Variants in RIN2 observed in about 807,000 individuals in gnomAD.
The protein encoded by RIN2 is Ras and Rab interactor 2.
Under a neutral mutation model 78.0 loss-of-function variants are expected in RIN2, and 36 were observed. That is an observed-to-expected ratio of 0.46 (90% CI 0.35 to 0.61). The LOEUF (loss-of-function observed/expected upper bound fraction) is 0.61. Ranked by LOEUF, RIN2 falls within the 20% of genes least tolerant of loss-of-function variation. The pLI is 0.00. For synonymous variants in RIN2, 466 were observed against 466.8 expected, an observed-to-expected ratio of 1.00 and a Z score of 0.02; for missense variants, 1,087 against 1,159.7, an observed-to-expected ratio of 0.94 and a Z score of 0.91.
chr20:19,907,410 C>T (rs1349395678), intron 3 of RIN2, among the ~76,000 whole-genome samples: 3 of 152,156 alleles, frequency 2.0e-5, no homozygotes, highest in Non-Finnish European at 4.4e-5. Context: ...CTGGGGGTTG[C>T]CCTGGCCTGT....
chr20:19,891,568 C>T lies in RIN2; in HGVS notation c.57+1910C>T, dbSNP rs146863048. Among the ~76,000 whole-genome samples, 692 of 152,278 alleles carry T rather than the reference C, an allele frequency of 4.5e-3. 11 individuals carry two copies. The highest frequency in any genetic ancestry group is 0.016 in the African/African-American group (660 of 41,538). ...CCATGGTGCTTCATGCCTGTAATTC[C>T]AGCACTTTGGGAGGCCTAGGTGGGC... On this transcript the variant is annotated intron_variant, in intron 3 of 12. Coordinates refer to ENST00000255006, the MANE Select transcript of RIN2 (RefSeq NM_018993.4).
intron 2 of RIN2, among the ~76,000 whole-genome samples, chr20:19,817,790 A>G (rs1377755719): frequency 6.6e-6 from 1 of 152,264 alleles, no homozygotes; most frequent in Non-Finnish European, 1.5e-5. Context: ...GGGCAAAGCC[A>G]AGATTCAAAA....
intron 2 of RIN2, among the ~76,000 whole-genome samples, chr20:19,844,404 A>G (rs978037739): frequency 6.6e-6 from 1 of 152,232 alleles, no homozygotes; most frequent in African/African-American, 2.4e-5. Context: ...TGCCAATAGC[A>G]TGCAACCATA....
chr20:19,824,282 A>G (rs577783217), intron 2 of RIN2, among the ~76,000 whole-genome samples: 2 of 152,168 alleles, frequency 1.3e-5, no homozygotes, highest in African/African-American at 4.8e-5. Flanking sequence ...TGAACATGAG[A>G]TAATTTTAGA....
At chr20:19,994,967 G>A (rs1326208626) in intron 11 of RIN2, among the ~76,000 whole-genome samples, 3 of 151,928 alleles carry the variant, frequency 2.0e-5, no homozygotes, top group Non-Finnish European at 2.9e-5. Context: ...ATTATGCCGC[G>A]GGAAAAAATA....
At chr20:19,845,442 G>C (rs1235201775) in intron 2 of RIN2, among the ~76,000 whole-genome samples, 2 of 152,004 alleles carry the variant, frequency 1.3e-5, no homozygotes, top group Non-Finnish European at 2.9e-5. Context: ...GGTGTGAGAT[G>C]GTATCTCATT....
At chr20:19,941,121 G>A (rs1306454849) in intron 4 of RIN2, among the ~76,000 whole-genome samples, 1 of 152,198 alleles carries the variant, frequency 6.6e-6, no homozygotes, top group Non-Finnish European at 1.5e-5. Context: ...ACATGACACA[G>A]GAAATTCAAA....
At position 19,943,277 on chromosome 20, in the gene RIN2, C is replaced by T. The variant is rs377300019; in HGVS notation, c.158+8078C>T. Among the ~76,000 whole-genome samples, 5 of 152,296 alleles carry T rather than the reference C, an allele frequency of 3.3e-5. No homozygotes were observed. In the South Asian group the frequency reaches 8.3e-4, roughly 25 times the overall value. ...GCTGGAGAGTCAACCAGAGGAAGTT[C>T]CTGGGCAAAACAGCTACCACTTTTT... On this transcript the variant is annotated intron_variant, in intron 4 of 12. Coordinates refer to ENST00000255006, the MANE Select transcript of RIN2 (RefSeq NM_018993.4).
rs764666564 is a variant in RIN2, at chr20:19,889,592, G to T, written c.-10G>T. 1.9e-6 allele frequency: 3 copies of T among 1,551,150 alleles called. No homozygotes were observed. The highest frequency in any genetic ancestry group is 2.4e-5 in the East Asian group (1 of 40,948). The stretch of plus-strand genomic sequence containing the variant: ...AGTCCCCGGCGTGCAGTGGAGCCTC[G>T]CTGGGGGAAATGACAGCTTGGACCA... On this transcript the variant is annotated 5_prime_UTR_variant, in exon 3 of 13. Transcript: ENST00000255006.
At chr20:19,776,114 AC>A (rs1213293218) in intron 1 of RIN2, among the ~76,000 whole-genome samples, 1 of 152,116 alleles carries the variant, frequency 6.6e-6, no homozygotes, top group African/African-American at 2.4e-5. Context: ...TAACTGATGG[AC>A]CCCTCCCCTT....
chr20:19,961,484 T>A (rs770014605), intron 6 of RIN2, among the ~76,000 whole-genome samples: 1 of 152,068 alleles, frequency 6.6e-6, no homozygotes, highest in Non-Finnish European at 1.5e-5. Context: ...GATCGGAAGA[T>A]GGATCTGCAC....
At chr20:19,915,390 A>T (rs2039643228) in intron 3 of RIN2, among the ~76,000 whole-genome samples, 1 of 152,174 alleles carries the variant, frequency 6.6e-6, no homozygotes, top group Non-Finnish European at 1.5e-5. Flanking sequence ...TTAACTCCCC[A>T]GCACTGTGGT....
At chr20:19,966,530 GC>G (rs2041945433) in intron 7 of RIN2, among the ~76,000 whole-genome samples, 2 of 152,078 alleles carry the variant, frequency 1.3e-5, no homozygotes, top group East Asian at 3.9e-4. Flanking sequence ...TACCACGTTG[GC>G]CAGGCTGGTC....
In RIN2 at chr20:19,984,492, C is replaced by T. The variant is rs796247707; in HGVS notation, c.1763-5514C>T. On this transcript the variant is annotated intron_variant, in intron 9 of 12. Coordinates refer to ENST00000255006, the MANE Select transcript of RIN2 (RefSeq NM_018993.4). ...GGTAACAGAATCTCATGGGGCCAGG[C>T]GTGGTGGCTCATACCTGTAATCCCA... Among the ~76,000 whole-genome samples, 12 of 152,252 alleles carry T rather than the reference C, an allele frequency of 7.9e-5. 1 individual carries two copies. Among genetic ancestry groups the T allele is most frequent in the African/African-American group, 2.9e-4 (12 of 41,540 alleles).
At chr20:19,984,437 C>A (rs1244848538) in intron 9 of RIN2, among the ~76,000 whole-genome samples, 1 of 152,074 alleles carries the variant, frequency 6.6e-6, no homozygotes, top group Admixed American at 6.5e-5. Flanking sequence ...CTAAACACGT[C>A]TAAACACAGG....
chr20:19,807,998 C>T (rs1254441496), intron 2 of RIN2, among the ~76,000 whole-genome samples: 1 of 152,144 alleles, frequency 6.6e-6, no homozygotes, highest in Non-Finnish European at 1.5e-5. Flanking sequence ...CTGTTGTGTT[C>T]TTGGCCATCT....
intron 2 of RIN2, among the ~76,000 whole-genome samples, chr20:19,872,782 T>C (rs1186608612): frequency 6.6e-6 from 1 of 152,156 alleles, no homozygotes; most frequent in Non-Finnish European, 1.5e-5. Context: ...ATACTGGACA[T>C]TGGAAACTAC....
chr20:19,851,918 AG>A (rs1398969682), intron 2 of RIN2, among the ~76,000 whole-genome samples: 2 of 152,162 alleles, frequency 1.3e-5, no homozygotes, highest in Non-Finnish European at 1.5e-5. Flanking sequence ...GGCTGGCTGA[AG>A]TCCAGCTGAT....
At chr20:19,869,244 G>A (rs914713568) in intron 2 of RIN2, among the ~76,000 whole-genome samples, 2 of 152,154 alleles carry the variant, frequency 1.3e-5, no homozygotes, top group Non-Finnish European at 2.9e-5. Context: ...GACCATATAC[G>A]CTGTGGCAGA....
Sources: allele counts gnomAD v4.1 joint callset (sites outside exome capture counted in the v4.1 genomes callset), GRCh38; gene constraint gnomAD v4.1.1; transcripts MANE v1.5; gene names NCBI Gene and HGNC (gene_info 2026-07-23, HGNC 2026-07-21).